COL20A1: variants seen among roughly 807,000 people sequenced by gnomAD.
The protein encoded by COL20A1 is collagen type XX alpha 1 chain.
COL20A1 carries 164 observed loss-of-function variants against 152.9 expected under a neutral mutation model. That is an observed-to-expected ratio of 1.07 (90% CI 0.94 to 1.22). COL20A1 has a LOEUF of 1.22. Ranked by LOEUF, COL20A1 falls within the 50% of genes most tolerant of loss-of-function variation. The pLI is 0.00. For missense variants in COL20A1, 1,873 were observed against 1,744.8 expected, an observed-to-expected ratio of 1.07 and a Z score of -1.31; for synonymous variants, 864 against 756.0, an observed-to-expected ratio of 1.14 and a Z score of -2.34.
chr20:63,309,415 C>A lies in COL20A1; in HGVS notation c.1023C>A (p.Phe341Leu), dbSNP rs577064711. The part of the protein sequence containing the change: ...RDITVHSVLD[F>L]LQLGALAGLL... ...TCACCGTCCACAGCGTGCTGGACTT[C>A]CTGCAGCTCGGCGCGCTGGCTGGCC... The change falls in exon 9 of 36, where the codon TTC becomes TTA. Residue 341 changes from phenylalanine (F) to leucine (L), a missense_variant. Phe to Leu is a conservative substitution (Grantham distance 22, BLOSUM62 0). Coordinates refer to ENST00000358894, the MANE Select transcript of COL20A1 (RefSeq NM_020882.4). The A allele has an allele frequency of 1.9e-6, 3 of 1,555,156 alleles. No individual in the cohort carries two copies.
At position 63,319,520 on chromosome 20, in the gene COL20A1, A is replaced by C. The variant is rs775857062; in HGVS notation, c.2840A>C (p.Asp947Ala). ...AAGTCCCTGACCTACTTCCACCGTG[A>C]CCCCAGGGCTGCCTTGCAGGAGGCC... ...GKKSLTYFHR[D>A]PRAALQEATF... is the part of the protein sequence containing the mutation. Residue 947 changes from aspartate to alanine, a missense_variant, in exon 23 of 36, where the codon GAC (aspartate) becomes GCC (alanine). Coordinates refer to ENST00000358894, the MANE Select transcript of COL20A1 (RefSeq NM_020882.4). The surrounding 1 kb of genome is among the most constrained non-coding windows in gnomAD (Gnocchi z 4.4). 1 of 1,593,848 alleles carries C rather than the reference A, an allele frequency of 6.3e-7. No homozygotes were observed. Among genetic ancestry groups the C allele is most frequent in the Non-Finnish European group, 8.5e-7 (1 of 1,171,060 alleles).
chr20:63,319,367 G>A lies in COL20A1; in HGVS notation c.2807-120G>A. 3 of 1,070,998 alleles carry A rather than the reference G, an allele frequency of 2.8e-6. No homozygotes were observed. Among genetic ancestry groups the A allele is most frequent in the Non-Finnish European group, 4.0e-6 (3 of 744,196 alleles). 66.3% of individuals were successfully genotyped at this position (1,070,998 alleles called of 1,614,324 possible). A position where few individuals can be genotyped will look rare whatever the true frequency, so the allele number is the denominator to read the frequency against. On this transcript the variant is annotated intron_variant, in intron 22 of 35. Coordinates refer to ENST00000358894, the MANE Select transcript of COL20A1 (RefSeq NM_020882.4). This position sits in a 1 kb window ranked among gnomAD's most constrained non-coding sequence, Gnocchi z 4.4. ...CAGGGGGCTGTGGGCCACATTGAGG[G>A]TCACCTCCAGCTTGGCACCCTCAGG...
chr20:63,318,717 G>T (rs1316260086), intron 21 of COL20A1, among the ~76,000 whole-genome samples: 1 of 152,142 alleles, frequency 6.6e-6, no homozygotes, highest in Non-Finnish European at 1.5e-5. Flanking sequence ...CCTGGGCCTG[G>T]CGCCTCCAAG....
intron 27 of COL20A1, among the ~76,000 whole-genome samples, chr20:63,323,446 G>A (rs568458539): frequency 3.2e-4 from 49 of 152,292 alleles, no homozygotes; most frequent in African/African-American, 1.0e-3. Context: ...TAGAAATCGC[G>A]CCTCCTCCTG....
Position 63,319,313 on chromosome 20 carries a change from C to A in COL20A1, c.2806+113C>A. On this transcript the variant is annotated intron_variant, in intron 22 of 35. Coordinates refer to ENST00000358894, the MANE Select transcript of COL20A1 (RefSeq NM_020882.4). This position sits in a 1 kb window ranked among gnomAD's most constrained non-coding sequence, Gnocchi z 4.4. ...CAGCCTCCAGGCCAGGCCCTCAGCACCCTCTGGGTGGGAGGCAGGTGTCCC... is the reference window on the plus strand; with the variant it reads ...CAGCCTCCAGGCCAGGCCCTCAGCAACCTCTGGGTGGGAGGCAGGTGTCCC... 8.0e-7 allele frequency: 1 copy of A among 1,249,938 alleles called. No individual in the cohort carries two copies. Among genetic ancestry groups the A allele is most frequent in the South Asian group, 1.5e-5 (1 of 67,328 alleles). 77.4% of individuals were successfully genotyped at this position (1,249,938 alleles called of 1,614,324 possible).
At chr20:63,300,676 ATTG>A (rs1215194828) in intron 3 of COL20A1, among the ~76,000 whole-genome samples, 1 of 151,792 alleles carries the variant, frequency 6.6e-6, no homozygotes, top group Non-Finnish European at 1.5e-5. Context: ...TTTATTTTTT[ATTG>A]TTGTTTCTAT....
At position 63,316,700 on chromosome 20, in the gene COL20A1, G is replaced by T. The variant is rs775770801; in HGVS notation, c.2663+9G>T. The T allele has an allele frequency of 6.5e-6, 10 of 1,539,346 alleles. No homozygotes were observed. Among genetic ancestry groups the T allele is most frequent in the South Asian group, 1.2e-5 (1 of 82,890 alleles). On this transcript the variant is annotated intron_variant, in intron 21 of 35. Transcript: ENST00000358894. ...CTGACAAGACGGGTCAGGTGTGAGG[G>T]CAAGGGCTGGGGTGGAGCTGGAAGC...
At chr20:63,307,737 G>C in intron 6 of COL20A1, 89 bp downstream of exon 6, 3 of 1,430,516 alleles carry the variant, frequency 2.1e-6, no homozygotes, top group Non-Finnish European at 1.9e-6. Flanking sequence ...GGGGGTCCCC[G>C]TACCAGCCAG....
chr20:63,308,139 C>T (rs1376248875), intron 7 of COL20A1, 49 bp downstream of exon 7: 1 of 1,582,986 alleles, frequency 6.3e-7, no homozygotes, highest in South Asian at 1.1e-5. Flanking sequence ...GGACCTCCTT[C>T]TGCCGCCCTC....
rs2068126320 is a variant in COL20A1 at position 63,319,308 on chromosome 20, C to G, written c.2806+108C>G. The G allele has an allele frequency of 7.8e-7, 1 of 1,280,352 alleles. No homozygotes were observed. The highest frequency in any genetic ancestry group is 1.1e-6 in the Non-Finnish European group (1 of 931,888). 79.3% of individuals were successfully genotyped at this position (1,280,352 alleles called of 1,614,324 possible). On this transcript the variant is annotated intron_variant, in intron 22 of 35. Transcript: ENST00000358894. This position sits in a 1 kb window ranked among gnomAD's most constrained non-coding sequence, Gnocchi z 4.4. ...AAGTCCAGCCTCCAGGCCAGGCCCT[C>G]AGCACCCTCTGGGTGGGAGGCAGGT... is the stretch of plus-strand genomic sequence containing the variant.
At chr20:63,317,731 T>G (rs1231182289) in intron 21 of COL20A1, among the ~76,000 whole-genome samples, 2 of 149,504 alleles carry the variant, frequency 1.3e-5, no homozygotes, top group Admixed American at 6.6e-5. Flanking sequence ...CCCCCCAGTC[T>G]TGCTGCACAT....
At chr20:63,312,687 G>T in intron 15 of COL20A1, 105 bp from the exon 16 acceptor site, 1 of 1,461,138 alleles carries the variant, frequency 6.8e-7, no homozygotes, top group Non-Finnish European at 9.2e-7. Context: ...ACCCGGACGG[G>T]TGTGATGGAT....
intron 20 of COL20A1, among the ~76,000 whole-genome samples, chr20:63,315,911 C>G (rs2068077959): frequency 6.6e-6 from 1 of 152,236 alleles, no homozygotes; most frequent in Non-Finnish European, 1.5e-5. Flanking sequence ...GCTGGCAGCG[C>G]TGATAAGCTG....
At chr20:63,327,445 G>A in intron 31 of COL20A1, 1 of 178,312 alleles carries the variant, frequency 5.6e-6, no homozygotes, top group Non-Finnish European at 1.2e-5. Context: ...AGGCTCCATG[G>A]AGGGTAGGGG....
intron 1 of COL20A1, 81 bp from the exon 2 acceptor site, chr20:63,295,017 T>C: frequency 2.2e-6 from 2 of 896,814 alleles, no homozygotes; most frequent in Non-Finnish European, 3.4e-6. Flanking sequence ...CCCTCGAGGA[T>C]TTGGAGAAGC....
In COL20A1 at chr20:63,297,999, G is replaced by T. The variant is rs766375174; in HGVS notation, c.172G>T (p.Val58Leu). 2 of 1,611,884 alleles carry T rather than the reference G, an allele frequency of 1.2e-6. No homozygotes were observed. The highest frequency in any genetic ancestry group is 3.3e-5 in the Admixed American group (2 of 60,024). ...GGAGGGGAGCGGCCTCGGCTACCTG[G>T]TGCAGGTGAAGCCCATGGCAGGTGA... The part of the protein sequence containing the change: ...ESEGSGLGYL[V>L]QVKPMAGDSE... Residue 58 changes from valine (V) to leucine (L), a missense_variant, in exon 3 of 36, where the codon GTG becomes TTG. Physicochemically the swap from Val to Leu is conservative, Grantham distance 32. Coordinates refer to ENST00000358894, the MANE Select transcript of COL20A1 (RefSeq NM_020882.4).
In COL20A1 at chr20:63,305,684, G is replaced by C; in HGVS notation, c.337+124G>C. The stretch of plus-strand genomic sequence containing the variant: ...CCCAGGGGTGGGTATGTGTGAAGCA[G>C]TTCTGGGCTGTGCTAGGGGCAGGTT... On this transcript the variant is annotated intron_variant, in intron 4 of 35. Transcript: ENST00000358894. This position sits in a 1 kb window ranked among gnomAD's most constrained non-coding sequence, Gnocchi z 4.9. The C allele has an allele frequency of 8.1e-7, 1 of 1,230,072 alleles. No homozygotes were observed. 76.2% of individuals were successfully genotyped at this position (1,230,072 alleles called of 1,614,324 possible).
Position 63,319,939 on chromosome 20 carries a change from C to A in COL20A1, c.2917-100C>A. 1 of 1,206,290 alleles carries A rather than the reference C, an allele frequency of 8.3e-7. No homozygotes were observed. The highest frequency in any genetic ancestry group is 1.1e-6 in the Non-Finnish European group (1 of 877,642). The allele number at this position is 1,206,290 out of a possible 1,614,324, so 74.7% of individuals were successfully genotyped here. A position where few individuals can be genotyped will look rare whatever the true frequency, so the allele number is the denominator to read the frequency against. On this transcript the variant is annotated intron_variant, in intron 23 of 35. Coordinates refer to ENST00000358894, the MANE Select transcript of COL20A1 (RefSeq NM_020882.4). This position sits in a 1 kb window ranked among gnomAD's most constrained non-coding sequence, Gnocchi z 4.4. ...AGGTCAGGTTCCTGACCCCAGGTCC[C>A]AGGGATGGGTGTTACTCCCCAGCCC...
At chr20:63,308,212 C>T (rs909051687) in intron 7 of COL20A1, 122 bp downstream of exon 7, 10 of 1,228,698 alleles carry the variant, frequency 8.1e-6, no homozygotes, top group Non-Finnish European at 1.0e-5. Flanking sequence ...GCCCTGTTCA[C>T]ACCTTTATAG....
Sources: allele counts gnomAD v4.1 joint callset (sites outside exome capture counted in the v4.1 genomes callset), GRCh38; gene constraint gnomAD v4.1.1; non-coding constraint Gnocchi (gnomAD v3.1); transcripts MANE v1.5; gene names NCBI Gene and HGNC (gene_info 2026-07-23, HGNC 2026-07-21).